The following GRIK2 variants were observed in gnomAD, a reference collection of about 807,000 sequenced individuals.
GRIK2 encodes glutamate ionotropic receptor kainate type subunit 2.
GRIK2 carries 32 observed loss-of-function variants against 100.3 expected under a neutral mutation model. The ratio of observed to expected loss-of-function variants is 0.32; its 90% CI spans 0.24 to 0.43. The LOEUF is 0.43. GRIK2 is among the 20% of genes least tolerant of loss of function. The pLI is 1.00. For missense variants in GRIK2, 843 were observed against 1,114.9 expected, an observed-to-expected ratio of 0.76 and a Z score of 3.47; for synonymous variants, 417 against 389.4, an observed-to-expected ratio of 1.07 and a Z score of -0.83.
rs529596352 is a variant in GRIK2 at position 101,486,395 on chromosome 6, G to A, written c.115+87003G>A. Among the ~76,000 whole-genome samples the A allele has an allele frequency of 5.7e-4, 79 of 137,786 alleles. 1 individual carries two copies. Among genetic ancestry groups the A allele is most frequent in the Non-Finnish European group, 8.4e-4 (53 of 63,242 alleles). 90.4% of individuals were successfully genotyped at this position (137,786 alleles called of 152,430 possible). A position where few individuals can be genotyped will look rare whatever the true frequency, so the allele number is the denominator to read the frequency against. ...AGGTTGCATGAGGGGGTGGGGCGGG[G>A]GGGGGAAGCTAAGTAGATTATAGAA... On this transcript the variant is annotated intron_variant, in intron 2 of 16. Transcript: ENST00000369134.
At chr6:101,850,795 G>T (rs1184785800) in intron 10 of GRIK2, among the ~76,000 whole-genome samples, 1 of 152,058 alleles carries the variant, frequency 6.6e-6, no homozygotes, top group Non-Finnish European at 1.5e-5. Context: ...TGCTGATGTG[G>T]AGATTTAAGA....
rs78664324 is a variant in GRIK2 at position 101,742,142 on chromosome 6, A to C, written c.951+55789A>C. On this transcript the variant is annotated intron_variant, in intron 7 of 16. Coordinates refer to ENST00000369134, the MANE Select transcript of GRIK2 (RefSeq NM_021956.5). ...ACTTTTTTCTATTTTTGGAAAAAGC[A>C]AATGTATATCTTTTTAATAGTTTTT... 2.6e-3 allele frequency among the ~76,000 whole-genome samples: 395 copies of C among 152,338 alleles called. 1 individual carries two copies. Among genetic ancestry groups the C allele is most frequent in the African/African-American group, 9.1e-3 (380 of 41,576 alleles).
At chr6:101,805,593 T>G (rs1307664155) in intron 9 of GRIK2, among the ~76,000 whole-genome samples, 1 of 152,018 alleles carries the variant, frequency 6.6e-6, no homozygotes, top group Admixed American at 6.6e-5. Flanking sequence ...CTTCATTTAG[T>G]AGGTTAATCT....
chr6:101,922,123 CCTT>C (rs752405020), intron 12 of GRIK2, among the ~76,000 whole-genome samples: 2,822 of 23,604 alleles, frequency 0.12, 204 homozygotes, highest in African/African-American at 0.29. Context: ...TTCCTTCCTT[CCTT>C]CCTTCCTTCC....
intron 2 of GRIK2, among the ~76,000 whole-genome samples, chr6:101,576,899 T>A (rs1207251450): frequency 4.6e-5 from 7 of 151,156 alleles, no homozygotes; most frequent in Non-Finnish European, 4.4e-5. Context: ...AAAAAAAAAA[T>A]GTCCTTGTAG....
At chr6:101,478,767 G>A (rs113528751) in intron 2 of GRIK2, among the ~76,000 whole-genome samples, 14,929 of 151,722 alleles carry the variant, frequency 0.098, 781 homozygotes, top group South Asian at 0.11. Flanking sequence ...CTCGTGATCC[G>A]CTCACCTTGG....
intron 7 of GRIK2, among the ~76,000 whole-genome samples, chr6:101,737,147 C>T (rs553072013): frequency 1.3e-5 from 2 of 152,214 alleles, no homozygotes; most frequent in African/African-American, 4.8e-5. Flanking sequence ...AGCCATTCAA[C>T]AAGTCTCTAG....
chr6:101,633,034 C>T (rs1325856687), intron 4 of GRIK2, among the ~76,000 whole-genome samples: 1 of 152,088 alleles, frequency 6.6e-6, no homozygotes, highest in Non-Finnish European at 1.5e-5. Context: ...AAATTGCAAG[C>T]ACTTCATTAT....
In GRIK2 at chr6:102,006,390, A is replaced by ATATTTTTTTTT. The variant is rs1315524835; in HGVS notation, c.2086-28950_2086-28949insATTTTTTTTTT. 5.3e-4 allele frequency among the ~76,000 whole-genome samples: 60 copies of ATATTTTTTTTT among 114,090 alleles called. 1 individual carries two copies. Among genetic ancestry groups the ATATTTTTTTTT allele is most frequent in the African/African-American group, 2.6e-3 (56 of 21,906 alleles). 74.8% of individuals were successfully genotyped at this position (114,090 alleles called of 152,430 possible). A position where few individuals can be genotyped will look rare whatever the true frequency, so the allele number is the denominator to read the frequency against. ...CTTTTATATATATATATATATATATATTTTTTTTTTTTTTGAGACATACAG... is the reference window on the plus strand; with the variant it reads ...CTTTTATATATATATATATATATATATATTTTTTTTTTTTTTTTTTTTTTTGAGACATACAG... On this transcript the variant is annotated intron_variant, in intron 14 of 16. Transcript: ENST00000369134.
chr6:101,652,000 G>A (rs1336997164), intron 4 of GRIK2, among the ~76,000 whole-genome samples: 5 of 152,172 alleles, frequency 3.3e-5, no homozygotes, highest in Non-Finnish European at 7.4e-5. Context: ...CAAAGAAGCA[G>A]AGAATAATAC....
At chr6:101,683,040 T>G (rs1771399874) in intron 6 of GRIK2, among the ~76,000 whole-genome samples, 1 of 151,876 alleles carries the variant, frequency 6.6e-6, no homozygotes, top group African/African-American at 2.4e-5. Flanking sequence ...CCATCTCTAC[T>G]AAAAATACAA....
chr6:101,443,799 T>C (rs1353196323), intron 2 of GRIK2, among the ~76,000 whole-genome samples: 1 of 152,062 alleles, frequency 6.6e-6, no homozygotes, highest in Non-Finnish European at 1.5e-5. Context: ...GCCCTATATC[T>C]AATGTAATTT....
At chr6:101,857,297 G>A (rs1002657663) in intron 10 of GRIK2, among the ~76,000 whole-genome samples, 4 of 152,184 alleles carry the variant, frequency 2.6e-5, no homozygotes, top group African/African-American at 7.2e-5. Flanking sequence ...TAAAAATCAG[G>A]TGAAGATACG....
At chr6:101,998,007 C>T (rs927877623) in intron 14 of GRIK2, among the ~76,000 whole-genome samples, 8 of 152,134 alleles carry the variant, frequency 5.3e-5, no homozygotes, top group South Asian at 4.1e-4. Flanking sequence ...TTTTAACATA[C>T]GTATACATCA....
intron 2 of GRIK2, among the ~76,000 whole-genome samples, chr6:101,462,280 A>G (rs1325761042): frequency 2.0e-5 from 3 of 152,168 alleles, no homozygotes; most frequent in Admixed American, 1.3e-4. Flanking sequence ...CTGAACATAG[A>G]CCCAAGCAGT....
chr6:101,400,674 T>C (rs1775253259), intron 2 of GRIK2, among the ~76,000 whole-genome samples: 1 of 152,176 alleles, frequency 6.6e-6, no homozygotes. Context: ...CATGTGTGTG[T>C]TTTATCCCCC....
At chr6:101,908,317 C>CAGTTATTTTTTTAGGCAA (rs1562480114) in intron 12 of GRIK2, among the ~76,000 whole-genome samples, 64 of 6,050 alleles carry the variant, frequency 0.011, 1 homozygote, top group Admixed American at 3.7e-3. Flanking sequence ...GCAAAAACCA[C>CAGTTATTTTTTTAGGCAA]AATTATTTTG....
intron 2 of GRIK2, among the ~76,000 whole-genome samples, chr6:101,507,222 T>C (rs1040743589): frequency 4.6e-5 from 7 of 152,146 alleles, no homozygotes; most frequent in African/African-American, 1.7e-4. Context: ...AAAATGTTTT[T>C]ATATTAACCA....
intron 6 of GRIK2, among the ~76,000 whole-genome samples, chr6:101,683,346 T>C (rs181828424): frequency 6.6e-6 from 1 of 152,354 alleles, no homozygotes; most frequent in Admixed American, 6.5e-5. Flanking sequence ...TGTATTTAGT[T>C]AGATTTTTTA....
Sources: allele counts gnomAD v4.1 joint callset (sites outside exome capture counted in the v4.1 genomes callset), GRCh38; gene constraint gnomAD v4.1.1; transcripts MANE v1.5; gene names NCBI Gene and HGNC (gene_info 2026-07-23, HGNC 2026-07-21).